Variants in PAX7 observed in about 807,000 individuals in gnomAD.
PAX7 encodes paired box 7.
PAX7 carries 18 observed loss-of-function variants against 50.7 expected under a neutral mutation model. The ratio of observed to expected loss-of-function variants is 0.36; its 90% CI spans 0.25 to 0.53. The LOEUF (loss-of-function observed/expected upper bound fraction) is 0.53. Among genes scored for constraint, PAX7 ranks in the 20% least tolerant of loss-of-function variants. PAX7 has a pLI of 0.93. For synonymous variants in PAX7, 310 were observed against 290.4 expected, an observed-to-expected ratio of 1.07 and a Z score of -0.69; for missense variants, 644 against 702.9, an observed-to-expected ratio of 0.92 and a Z score of 0.95.
At position 18,634,560 on chromosome 1, in the gene PAX7, G is replaced by T. The variant is rs776487727; in HGVS notation, c.321+22G>T. ...CAGAGTGAGTGTCTTTGCCACAGAGGCTGGCAGCTGGCTTCCTATAGTCGG... is the reference window on the plus strand; with the variant it reads ...CAGAGTGAGTGTCTTTGCCACAGAGTCTGGCAGCTGGCTTCCTATAGTCGG... On this transcript the variant is annotated intron_variant, in intron 2 of 8. Coordinates refer to ENST00000420770, the MANE Select transcript of PAX7 (RefSeq NM_001135254.2). This position sits in a 1 kb window ranked among gnomAD's most constrained non-coding sequence, Gnocchi z 4.0. 6.2e-7 allele frequency: 1 copy of T among 1,601,856 alleles called. No homozygotes were observed. Among genetic ancestry groups the T allele is most frequent in the Non-Finnish European group, 8.5e-7 (1 of 1,170,142 alleles).
intron 7 of PAX7, among the ~76,000 whole-genome samples, chr1:18,730,342 CG>C (rs1191805315): frequency 1.3e-5 from 2 of 152,156 alleles, no homozygotes. Flanking sequence ...CCAGTGCCCT[CG>C]GGGAAACTGT....
intron 7 of PAX7, among the ~76,000 whole-genome samples, chr1:18,733,407 C>A (rs1388629814): frequency 6.6e-6 from 1 of 152,176 alleles, no homozygotes; most frequent in Non-Finnish European, 1.5e-5. Context: ...CCCAGGCAGA[C>A]TTTCTCTCTC....
chr1:18,673,346 A>T (rs2088779767), intron 4 of PAX7, among the ~76,000 whole-genome samples: 1 of 152,192 alleles, frequency 6.6e-6, no homozygotes, highest in Admixed American at 6.5e-5. Context: ...CATGCTCTTC[A>T]GAACTAAGAA....
chr1:18,698,526 T>C (rs1557537315), intron 5 of PAX7, among the ~76,000 whole-genome samples: 1 of 152,194 alleles, frequency 6.6e-6, no homozygotes, highest in East Asian at 1.9e-4. Flanking sequence ...GTCCAGGTTA[T>C]TGAATTCTGT....
In PAX7 at chr1:18,653,939, T is replaced by A. The variant is rs542942405; in HGVS notation, c.586+17568T>A. ...GCAGACGTGTGTGCGGTCACATGCATGTCCCCATTCTCGTTCTGGTGTCTC... is the reference window on the plus strand; with the variant it reads ...GCAGACGTGTGTGCGGTCACATGCAAGTCCCCATTCTCGTTCTGGTGTCTC... On this transcript the variant is annotated intron_variant, in intron 4 of 8. Transcript: ENST00000420770. 1.5e-3 allele frequency among the ~76,000 whole-genome samples: 232 copies of A among 152,222 alleles called. 1 individual carries two copies. The highest frequency in any genetic ancestry group is 0.01 in the South Asian group (50 of 4,808).
chr1:18,677,363 G>A (rs1273408764), intron 4 of PAX7, among the ~76,000 whole-genome samples: 1 of 152,140 alleles, frequency 6.6e-6, no homozygotes, highest in Non-Finnish European at 1.5e-5. Context: ...TCCAGGACCG[G>A]CGCACAGCAG....
chr1:18,690,554 G>A (rs2089053584), intron 4 of PAX7, among the ~76,000 whole-genome samples: 1 of 152,214 alleles, frequency 6.6e-6, no homozygotes, highest in Non-Finnish European at 1.5e-5. Context: ...CTGAGCAGGG[G>A]CTTCCTGCAG....
At chr1:18,658,915 T>A (rs2088561128) in intron 4 of PAX7, among the ~76,000 whole-genome samples, 1 of 152,238 alleles carries the variant, frequency 6.6e-6, no homozygotes, top group Non-Finnish European at 1.5e-5. Flanking sequence ...TTCCTTCATT[T>A]GAGCTGGAGA....
Position 18,711,083 on chromosome 1 carries a change from C to T in PAX7, c.1155+7787C>T, listed in dbSNP as rs557607893. 5.3e-5 allele frequency among the ~76,000 whole-genome samples: 8 copies of T among 152,272 alleles called. No individual in the cohort carries two copies. The East Asian group carries it at 5.8e-4, about 11-fold the overall frequency. On this transcript the variant is annotated intron_variant, in intron 7 of 8. Coordinates refer to ENST00000420770, the MANE Select transcript of PAX7 (RefSeq NM_001135254.2). Reference sequence around the variant, plus strand: ...GGTCTCTTTCAGGCCTCCGCTTTCTCGGGAGGCCTCTCCCTCAGGCCCCAT... The same window carrying T: ...GGTCTCTTTCAGGCCTCCGCTTTCTTGGGAGGCCTCTCCCTCAGGCCCCAT...
chr1:18,662,440 A>G (rs1038069692), intron 4 of PAX7, among the ~76,000 whole-genome samples: 2 of 152,134 alleles, frequency 1.3e-5, no homozygotes, highest in Non-Finnish European at 2.9e-5. Context: ...TCATTCATTC[A>G]TTCACTCATT....
At chr1:18,653,357 A>ATTG (rs370327015) in intron 4 of PAX7, among the ~76,000 whole-genome samples, 8 of 151,998 alleles carry the variant, frequency 5.3e-5, no homozygotes, top group African/African-American at 1.5e-4. Flanking sequence ...GTGTGTGTAT[A>ATTG]TTGTTGTTGT....
intron 7 of PAX7, among the ~76,000 whole-genome samples, chr1:18,723,862 G>A (rs542037087): frequency 1.3e-5 from 2 of 152,352 alleles, no homozygotes; most frequent in South Asian, 4.1e-4. Context: ...AAAGAGTGGA[G>A]CAGAGCATTC....
intron 7 of PAX7, among the ~76,000 whole-genome samples, chr1:18,725,100 G>A (rs1997656): frequency 0.92 from 140,682 of 152,314 alleles, 65,085 homozygotes; most frequent in Middle Eastern, 0.97. Flanking sequence ...ACTGAGGCTT[G>A]TTTATTAATT....
At chr1:18,650,572 G>C (rs2088416064) in intron 4 of PAX7, among the ~76,000 whole-genome samples, 1 of 152,176 alleles carries the variant, frequency 6.6e-6, no homozygotes, top group South Asian at 2.1e-4. Flanking sequence ...ACACACCTGG[G>C]TACTTTCTTG....
At chr1:18,723,237 T>TC (rs1422302784) in intron 7 of PAX7, among the ~76,000 whole-genome samples, 1 of 152,112 alleles carries the variant, frequency 6.6e-6, no homozygotes, top group Non-Finnish European at 1.5e-5. Flanking sequence ...TTGAGTATGT[T>TC]CCCCCCGAGG....
intron 7 of PAX7, among the ~76,000 whole-genome samples, chr1:18,731,416 C>T (rs531206093): frequency 6.6e-5 from 10 of 152,276 alleles, no homozygotes; most frequent in Admixed American, 1.3e-4. Context: ...CCCGGGAGAC[C>T]TGGGTGCAAA....
At chr1:18,684,534 C>A (rs1234083381) in intron 4 of PAX7, among the ~76,000 whole-genome samples, 1 of 152,244 alleles carries the variant, frequency 6.6e-6, no homozygotes, top group Non-Finnish European at 1.5e-5. Context: ...CTGGTTACAG[C>A]TGAGCAGTTC....
rs1432036669 is a variant in PAX7, at chr1:18,745,069, C to G, written c.*140C>G. ...CCACCTGCTTCTCATCACCAGCCCC[C>G]TGGAGGTAGACAGCCAGCTTGTCAC... is the stretch of plus-strand genomic sequence containing the variant. On this transcript the variant is annotated 3_prime_UTR_variant, in exon 9 of 9. Transcript: ENST00000420770. 3.1e-5 allele frequency: 19 copies of G among 615,718 alleles called. No homozygotes were observed. Among genetic ancestry groups the G allele is most frequent in the East Asian group, 2.7e-5 (1 of 36,398 alleles). 38.1% of individuals were successfully genotyped at this position (615,718 alleles called of 1,614,324 possible).
chr1:18,705,822 G>A (rs573666395), intron 7 of PAX7, among the ~76,000 whole-genome samples: 8 of 152,288 alleles, frequency 5.3e-5, no homozygotes, highest in South Asian at 4.1e-4. Context: ...AGCTAAAAGC[G>A]AGAGGCCTCC....
Sources: allele counts gnomAD v4.1 joint callset (sites outside exome capture counted in the v4.1 genomes callset), GRCh38; gene constraint gnomAD v4.1.1; non-coding constraint Gnocchi (gnomAD v3.1); transcripts MANE v1.5; gene names NCBI Gene and HGNC (gene_info 2026-07-23, HGNC 2026-07-21).